The following HEG1 variants were observed in gnomAD, a reference collection of about 807,000 sequenced individuals.
HEG1 encodes the protein protein HEG homolog 1.
In HEG1, 56 loss-of-function variants were observed where a neutral mutation model predicts 125.6. The observed-to-expected ratio is 0.45, with a 90% CI of 0.36 to 0.56. HEG1 has a LOEUF of 0.56. Among genes scored for constraint, HEG1 ranks in the 20% least tolerant of loss-of-function variants. The pLI, the probability that HEG1 is intolerant of heterozygous loss-of-function variation, is 0.00. For synonymous variants in HEG1, 644 were observed against 668.5 expected (o/e 0.96, Z 0.57); for missense variants, 1,523 against 1,670.0 (o/e 0.91, Z 1.53).
intron 14 of HEG1, among the ~76,000 whole-genome samples, chr3:124,987,974 T>TATATATATATATATATATATATATAG (rs1285591949): frequency 8.3e-6 from 1 of 120,038 alleles, no homozygotes. Flanking sequence ...TATATATATA[T>TATATATATATATATATATATATATAG]ACCATGTAGT....
chr3:125,012,881 T>C lies in HEG1; in HGVS notation c.2698A>G (p.Ser900Gly). Residue 900 changes from serine (S) to glycine (G), a missense_variant, in exon 6 of 17, where the codon AGC (serine) becomes GGC (glycine). By Grantham distance (56) the Ser-to-Gly change is moderately conservative. Transcript: ENST00000311127. The part of the protein sequence containing the change: ...VPQISTEGGI[S>G]TERNRVIVDA... Reference sequence around the variant, plus strand: ...ACAATCACTCGGTTCCTTTCTGTGCTGATGCCACCTTCTGTTGAGATTTGA... The same window carrying C: ...ACAATCACTCGGTTCCTTTCTGTGCCGATGCCACCTTCTGTTGAGATTTGA... The C allele has an allele frequency of 6.2e-7, 1 of 1,614,076 alleles. No individual in the cohort carries two copies.
At position 125,003,635 on chromosome 3, in the gene HEG1, A is replaced by G. The variant is rs1011441604; in HGVS notation, c.3298-1320T>C. 2.6e-5 allele frequency among the ~76,000 whole-genome samples: 4 copies of G among 152,162 alleles called. No individual in the cohort carries two copies. The East Asian group carries it at 5.8e-4, about 22-fold the overall frequency. On this transcript the variant is annotated intron_variant, in intron 9 of 16. Coordinates refer to ENST00000311127, the MANE Select transcript of HEG1 (RefSeq NM_020733.2). ...GTGATTTATGGTGGGGTTGGGTAAC[A>G]TGGTATCAGCTCAACCTCTAGAGGG...
Position 125,002,277 on chromosome 3 carries a change from T to A in HEG1, c.3336A>T (p.Arg1112=), listed in dbSNP as rs774638530. 14 of 1,613,668 alleles carry A rather than the reference T, an allele frequency of 8.7e-6. No individual in the cohort carries two copies. The highest frequency in any genetic ancestry group is 1.2e-5 in the Non-Finnish European group (14 of 1,179,688). ...CTTACCTAGAGGCGTGAACTGTAGA[T>A]CGGATGTAACTAGGTAACGCTGAAA... ...MCFSALPSYI[R]STVHASRESN... is the part of the protein sequence containing the mutation. The change falls in exon 10 of 17, where the codon CGA becomes CGT. Residue 1112 remains arginine (R), a synonymous_variant. Coordinates refer to ENST00000311127, the MANE Select transcript of HEG1 (RefSeq NM_020733.2).
chr3:124,986,864 CAT>C (rs1936747703), intron 14 of HEG1, among the ~76,000 whole-genome samples: 1 of 152,170 alleles, frequency 6.6e-6, no homozygotes, highest in South Asian at 2.1e-4. Flanking sequence ...TAGTCAATGA[CAT>C]AGGGAAACAG....
At chr3:124,978,001 T>A in intron 14 of HEG1, 55 bp from the exon 15 acceptor site, 3 of 1,333,722 alleles carry the variant, frequency 2.2e-6, no homozygotes, top group Non-Finnish European at 3.1e-6. Flanking sequence ...AAGGAATGAG[T>A]GAGTTCTCAA....
intron 3 of HEG1, among the ~76,000 whole-genome samples, chr3:125,023,353 T>C (rs1191264575): frequency 6.6e-6 from 1 of 152,178 alleles, no homozygotes. Flanking sequence ...TCACAAATGC[T>C]GAAAGTCATG....
chr3:125,001,777 G>A, intron 11 of HEG1, 75 bp downstream of exon 11: 25 of 1,511,256 alleles, frequency 1.7e-5, no homozygotes, highest in Non-Finnish European at 2.2e-5. Flanking sequence ...CCTGAGCCCT[G>A]GATGCCTTGC....
chr3:125,047,849 G>C (rs147908515), intron 1 of HEG1, among the ~76,000 whole-genome samples: 26 of 152,322 alleles, frequency 1.7e-4, no homozygotes, highest in African/African-American at 6.0e-4. Context: ...TCAGTTCCAA[G>C]GTGGAACTGC....
chr3:124,978,138 TTTG>T (rs372895441), intron 14 of HEG1, among the ~76,000 whole-genome samples, 192 bp from the exon 15 acceptor site: 3 of 151,978 alleles, frequency 2.0e-5, no homozygotes, highest in East Asian at 3.9e-4. Flanking sequence ...AGAAGAGTTT[TTTG>T]TTGTTGTTGT....
At chr3:124,987,515 CTTTTTTTCT>C (rs1257697120) in intron 14 of HEG1, among the ~76,000 whole-genome samples, 3 of 148,552 alleles carry the variant, frequency 2.0e-5, no homozygotes, top group Non-Finnish European at 4.5e-5. Flanking sequence ...CTCTCTGTTT[CTTTTTTTCT>C]TTTTTTTTTT....
chr3:125,011,300 T>C (rs1937154896), intron 6 of HEG1, among the ~76,000 whole-genome samples: 1 of 151,936 alleles, frequency 6.6e-6, no homozygotes, highest in Admixed American at 6.6e-5. Context: ...AAGATGGTGT[T>C]CCTATCCTGT....
intron 9 of HEG1, among the ~76,000 whole-genome samples, chr3:125,004,147 C>T (rs1057095851): frequency 2.6e-5 from 4 of 152,162 alleles, no homozygotes; most frequent in African/African-American, 7.2e-5. Flanking sequence ...CATCTGACAT[C>T]GTCCCTATCA....
chr3:124,988,161 G>A (rs180977695), intron 14 of HEG1, among the ~76,000 whole-genome samples: 1 of 151,728 alleles, frequency 6.6e-6, no homozygotes, highest in East Asian at 1.9e-4. Context: ...GGTTTCAAGT[G>A]AGAAATGAGA....
intron 1 of HEG1, among the ~76,000 whole-genome samples, chr3:125,049,937 A>T (rs192972919): frequency 1.3e-5 from 2 of 152,092 alleles, no homozygotes; most frequent in Admixed American, 1.3e-4. Flanking sequence ...GAAAACAAAC[A>T]CCTTAACAGG....
intron 1 of HEG1, among the ~76,000 whole-genome samples, chr3:125,035,363 T>G (rs113335698): frequency 1.3e-5 from 2 of 152,030 alleles, no homozygotes; most frequent in Admixed American, 6.6e-5. Context: ...ACCTCTATCA[T>G]AGTGAAACTG....
In HEG1 at chr3:125,055,603, G is replaced by A. The variant is rs1937918918; in HGVS notation, c.288C>T (p.Ser96=). ...EPGAATQRGP[S]GRAPRGGSAD... Reference sequence around the variant, plus strand: ...CGCTCCCGCCTCTGGGGGCCCGGCCGGAGGGTCCCCGCTGTGTCGCGGCGC... The same window carrying A: ...CGCTCCCGCCTCTGGGGGCCCGGCCAGAGGGTCCCCGCTGTGTCGCGGCGC... The change falls in exon 1 of 17, where the codon TCC becomes TCT. Residue 96 remains serine (S), a synonymous_variant. Transcript: ENST00000311127. 2.5e-6 allele frequency: 3 copies of A among 1,206,082 alleles called. No individual in the cohort carries two copies. Among genetic ancestry groups the A allele is most frequent in the Middle Eastern group, 3.2e-4 (1 of 3,124 alleles). The allele number at this position is 1,206,082 out of a possible 1,614,324, so 74.7% of individuals were successfully genotyped here.
At chr3:125,010,011 C>T (rs1198422295) in intron 7 of HEG1, among the ~76,000 whole-genome samples, 187 bp from the exon 8 acceptor site, 1 of 152,194 alleles carries the variant, frequency 6.6e-6, no homozygotes, top group Non-Finnish European at 1.5e-5. Flanking sequence ...GCCACATAAA[C>T]AACTAACTGT....
At chr3:125,000,866 C>G (rs1354783402) in intron 11 of HEG1, among the ~76,000 whole-genome samples, 1 of 152,240 alleles carries the variant, frequency 6.6e-6, no homozygotes, top group Non-Finnish European at 1.5e-5. Context: ...ATTCTCCATC[C>G]TTTGCCAGCC....
In HEG1 at chr3:125,012,926, G is replaced by A; in HGVS notation, c.2653C>T (p.His885Tyr). 1 of 1,614,062 alleles carries A rather than the reference G, an allele frequency of 6.2e-7. No individual in the cohort carries two copies. The highest frequency in any genetic ancestry group is 8.5e-7 in the Non-Finnish European group (1 of 1,179,912). The part of the protein sequence containing the change: ...TTAGKQLSLT[H>Y]PEILVPQIST... ...ATTTGAGGAACTAGTATTTCAGGAT[G>A]GGTCAGCGAGAGCTGTTTTCCAGCT... The change falls in exon 6 of 17, where the codon CAT becomes TAT. Residue 885 changes from histidine to tyrosine, a missense_variant. Transcript: ENST00000311127.
Sources: gnomAD v4.1 joint callset for allele counts (sites outside exome capture counted in the v4.1 genomes callset) on GRCh38, gnomAD v4.1.1 for gene constraint, MANE v1.5 for transcripts, NCBI Gene and HGNC (gene_info 2026-07-23, HGNC 2026-07-21) for gene names.